Variants in PLCXD1 observed in about 807,000 individuals in gnomAD.
PLCXD1 encodes the protein phosphatidylinositol specific phospholipase C X domain containing 1, also known as PI-PLC X domain-containing protein 1.
A neutral mutation model predicts 37.8 loss-of-function variants in PLCXD1; 45 were observed. The observed-to-expected ratio is 1.19, with a 90% confidence interval of 0.94 to 1.53. PLCXD1 has a LOEUF of 1.53. Ranked by LOEUF, PLCXD1 falls within the 40% of genes most tolerant of loss-of-function variation. The pLI is 0.00. For synonymous variants in PLCXD1, 246 were observed against 206.9 expected (o/e 1.19, Z -1.62); for missense variants, 539 against 454.7 (o/e 1.19, Z -1.69).
At chrX:287,501 CTATA>C (rs1248850784) in intron 2 of PLCXD1, among the ~76,000 whole-genome samples, 26 of 122,720 alleles carry the variant, frequency 2.1e-4, no homozygotes, top group African/African-American at 7.8e-4. Context: ...GATATAGATA[CTATA>C]TATGTTTATA....
At chrX:303,355 AAT>A (rs1491276934) in exon 7 of PLCXD1, 4 of 152,200 alleles carry the variant, frequency 2.6e-5, no homozygotes, top group African/African-American at 9.7e-5. Flanking sequence ...ATTAAAGTCA[AAT>A]ATGAGTATGA....
Position 301,526 on chromosome X carries a change from C to T in PLCXD1, c.*2191C>T, listed in dbSNP as rs1173121460. ...GGGCACAGTCATAGCTCACTGTAAC[C>T]TTCAACGCCTGGGCTGAAGCAATTC... is the stretch of plus-strand genomic sequence containing the variant. On this transcript the variant is annotated 3_prime_UTR_variant, in exon 7 of 7. Transcript: ENST00000381657. 6.6e-6 allele frequency: 1 copy of T among 152,176 alleles called. No individual in the cohort carries two copies. The highest frequency in any genetic ancestry group is 1.5e-5 in the Non-Finnish European group (1 of 68,122). 9.4% of individuals were successfully genotyped at this position (152,176 alleles called of 1,614,324 possible).
At position 299,408 on chromosome X, in the gene PLCXD1, T is replaced by C; in HGVS notation, c.*73T>C. 2 of 1,059,238 alleles carry C rather than the reference T, an allele frequency of 1.9e-6. No individual in the cohort carries two copies. Among genetic ancestry groups the C allele is most frequent in the Non-Finnish European group, 3.0e-6 (2 of 676,136 alleles). 65.6% of individuals were successfully genotyped at this position (1,059,238 alleles called of 1,614,324 possible). A position where few individuals can be genotyped will look rare whatever the true frequency, so the allele number is the denominator to read the frequency against. On this transcript the variant is annotated 3_prime_UTR_variant, in exon 7 of 7. Coordinates refer to ENST00000381657, the MANE Select transcript of PLCXD1 (RefSeq NM_018390.4). The stretch of plus-strand genomic sequence containing the variant: ...GAATTTCCAAGTATTGTGACTTTGT[T>C]TGGGCCAAATGTTGGTGATCATAGG...
chrX:278,344 T>C (rs989521727), upstream of PLCXD1, among the ~76,000 whole-genome samples: 6 of 152,060 alleles, frequency 3.9e-5, no homozygotes, highest in Non-Finnish European at 8.8e-5. Context: ...ACAGAGGATG[T>C]GAGTGTACAG....
rs182812201 is a variant in PLCXD1 at position 295,952 on chromosome X, C to T, written c.733+2734C>T. On this transcript the variant is annotated intron_variant, in intron 6 of 6. Coordinates refer to ENST00000381657, the MANE Select transcript of PLCXD1 (RefSeq NM_018390.4). ...GCCTCCTGGGTTCGAGCAATTCTCCCGCCTCAGCCTCCCACCACGCCCGGC... is the reference window on the plus strand; with the variant it reads ...GCCTCCTGGGTTCGAGCAATTCTCCTGCCTCAGCCTCCCACCACGCCCGGC... 4.5e-3 allele frequency among the ~76,000 whole-genome samples: 661 copies of T among 147,966 alleles called. 5 individuals carry two copies. Among genetic ancestry groups the T allele is most frequent in the African/African-American group, 0.015 (586 of 39,984 alleles).
chrX:285,658 C>G (rs1361730302), intron 2 of PLCXD1, among the ~76,000 whole-genome samples: 1 of 152,090 alleles, frequency 6.6e-6, no homozygotes, highest in Non-Finnish European at 1.5e-5. Flanking sequence ...CACATGCACA[C>G]ACGTAGACAC....
At chrX:288,598 C>T (rs1186867422) in intron 2 of PLCXD1, 135 bp from the exon 3 acceptor site, 5 of 924,672 alleles carry the variant, frequency 5.4e-6, no homozygotes, top group Middle Eastern at 3.2e-4. Context: ...GGTCAGCGTG[C>T]ACCCCTCCCG....
upstream of PLCXD1, among the ~76,000 whole-genome samples, chrX:277,333 A>G (rs1335213095): frequency 1.1e-4 from 1 of 9,164 alleles, no homozygotes; most frequent in Non-Finnish European, 2.9e-4. Flanking sequence ...ATGTGAGGGG[A>G]GGGGTTGGGG....
Position 290,658 on chromosome X carries a change from T to C in PLCXD1, c.275T>C (p.Val92Ala). The part of the protein sequence containing the change: ...LKWSVTQALD[V>A]TEQLDAGVRY... Reference sequence around the variant, plus strand: ...AGCCTCTGTCCACAGGCACTGGACGTCACAGAGCAGCTGGATGCCGGGGTG... The same window carrying C: ...AGCCTCTGTCCACAGGCACTGGACGCCACAGAGCAGCTGGATGCCGGGGTG... Residue 92 changes from valine (V) to alanine (A), a missense_variant, in exon 4 of 7, where the codon GTC becomes GCC. Physicochemically the swap from Val to Ala is moderately conservative, Grantham distance 64. Transcript: ENST00000381657. 4 of 1,613,758 alleles carry C rather than the reference T, an allele frequency of 2.5e-6. No homozygotes were observed. The highest frequency in any genetic ancestry group is 3.4e-6 in the Non-Finnish European group (4 of 1,179,788).
upstream of PLCXD1, among the ~76,000 whole-genome samples, chrX:279,856 T>G (rs1446247805): frequency 6.6e-6 from 1 of 151,494 alleles, no homozygotes; most frequent in Non-Finnish European, 1.5e-5. Context: ...GAGACGAAGG[T>G]TTTTTGTTTT....
intron 3 of PLCXD1, among the ~76,000 whole-genome samples, chrX:290,202 T>A (rs188508337): frequency 6.6e-6 from 1 of 151,616 alleles, no homozygotes; most frequent in South Asian, 2.1e-4. Context: ...CCAAGGTGGG[T>A]GGATCACGAG....
chrX:279,473 TGAAA>T (rs1299779852), upstream of PLCXD1, among the ~76,000 whole-genome samples: 1 of 152,080 alleles, frequency 6.6e-6, no homozygotes, highest in African/African-American at 2.4e-5. Context: ...GGCAATTGGT[TGAAA>T]GAGTTATTAT....
At chrX:294,270 C>T (rs1228229160) in intron 6 of PLCXD1, among the ~76,000 whole-genome samples, 2 of 152,108 alleles carry the variant, frequency 1.3e-5, no homozygotes, top group Non-Finnish European at 2.9e-5. Context: ...ATCATGAGGT[C>T]AGGAGATCGA....
At position 293,238 on chromosome X, in the gene PLCXD1, G is replaced by C. The variant is rs185555152; in HGVS notation, c.733+20G>C. The C allele has an allele frequency of 7.5e-6, 12 of 1,597,778 alleles. No individual in the cohort carries two copies. The Admixed American group carries it at 8.4e-5, about 11-fold the overall frequency. On this transcript the variant is annotated intron_variant, in intron 6 of 6. Transcript: ENST00000381657. ...GCCCAGGTACCAGGTCGCCCCTCGT[G>C]GGGGTAGATTCCACACAGCCTCCCG... is the stretch of plus-strand genomic sequence containing the variant.
At chrX:297,568 T>C (rs1402435131) in intron 6 of PLCXD1, among the ~76,000 whole-genome samples, 2 of 49,342 alleles carry the variant, frequency 4.1e-5, no homozygotes, top group African/African-American at 1.5e-4. Flanking sequence ...ATTCTGTCTA[T>C]CACATGGGGA....
At chrX:277,972 A>G (rs1359563499), upstream of PLCXD1, among the ~76,000 whole-genome samples, 1 of 68,658 alleles carries the variant, frequency 1.5e-5, no homozygotes, top group African/African-American at 6.2e-5. Flanking sequence ...ATAGGAGGGG[A>G]CACCCCTCAG....
intron 6 of PLCXD1, among the ~76,000 whole-genome samples, chrX:294,332 A>C (rs1285370861): frequency 1.3e-5 from 2 of 152,122 alleles, no homozygotes. Flanking sequence ...AATACAAAAA[A>C]TTAGCCGGGC....
At chrX:295,348 G>A (rs770272661) in intron 6 of PLCXD1, among the ~76,000 whole-genome samples, 5 of 152,090 alleles carry the variant, frequency 3.3e-5, no homozygotes, top group South Asian at 2.1e-4. Context: ...GTGGCAGGTG[G>A]GGCCGTCTCG....
chrX:282,949 A>ATATATTATATATG (rs1569564367), intron 1 of PLCXD1, among the ~76,000 whole-genome samples: 1 of 103,860 alleles, frequency 9.6e-6, no homozygotes, highest in African/African-American at 3.0e-5. Context: ...TATATATTAT[A>ATATATTATATATG]TATATATTAT....
Sources: allele counts gnomAD v4.1 joint callset (sites outside exome capture counted in the v4.1 genomes callset), GRCh38; gene constraint gnomAD v4.1.1; transcripts MANE v1.5; gene names NCBI Gene and HGNC (gene_info 2026-07-23, HGNC 2026-07-21).